RAPH1: variants seen among roughly 807,000 people sequenced by gnomAD.
RAPH1 encodes ras-associated and pleckstrin homology domains-containing protein 1.
Under a neutral mutation model 88.1 loss-of-function variants are expected in RAPH1, and 18 were observed. The ratio of observed to expected loss-of-function variants is 0.20; its 90% CI spans 0.14 to 0.30. The LOEUF (loss-of-function observed/expected upper bound fraction) is 0.30, where lower values mean the gene tolerates loss of function less well. Among genes scored for constraint, RAPH1 ranks in the 10% least tolerant of loss-of-function variants. RAPH1 has a pLI of 1.00. For synonymous variants in RAPH1, 587 were observed against 559.0 expected, an observed-to-expected ratio of 1.05 and a Z score of -0.71; for missense variants, 1,448 against 1,543.2, an observed-to-expected ratio of 0.94 and a Z score of 1.03.
In RAPH1 at chr2:203,489,623, T is replaced by C. The variant is rs140077162; in HGVS notation, c.693A>G (p.Gln231=). ...GCCCTTGATGTGTCAAATCCAGCTCTTGAGGGCGTGTTACTTTATCAATAT... is the reference window on the plus strand; with the variant it reads ...GCCCTTGATGTGTCAAATCCAGCTCCTGAGGGCGTGTTACTTTATCAATAT... ...SLDIDKVTRP[Q]ELDLTHQGQP... is the part of the protein sequence containing the mutation. Residue 231 remains glutamine (Q), a synonymous_variant, in exon 4 of 14, where the codon CAA becomes CAG. Coordinates refer to ENST00000319170, the MANE Select transcript of RAPH1 (RefSeq NM_213589.3). 15 of 1,609,200 alleles carry C rather than the reference T, an allele frequency of 9.3e-6. No homozygotes were observed. In the African/African-American group the frequency reaches 1.7e-4, roughly 19 times the overall value.
In RAPH1 at chr2:203,438,030, A is replaced by G; in HGVS notation, c.*1407T>C. The G allele has an allele frequency of 2.4e-6, 1 of 417,654 alleles. No homozygotes were observed. The highest frequency in any genetic ancestry group is 1.8e-5 in the South Asian group (1 of 56,524). The allele number at this position is 417,654 out of a possible 1,614,324, so 25.9% of individuals were successfully genotyped here. A position where few individuals can be genotyped will look rare whatever the true frequency, so the allele number is the denominator to read the frequency against. Reference sequence around the variant, plus strand: ...AAAATTCACAGAAAAAAGCATATAGAAGTATAGTGTGTCGTTAGAGCACTG... The same window carrying G: ...AAAATTCACAGAAAAAAGCATATAGGAGTATAGTGTGTCGTTAGAGCACTG... On this transcript the variant is annotated 3_prime_UTR_variant, in exon 14 of 14. Coordinates refer to ENST00000319170, the MANE Select transcript of RAPH1 (RefSeq NM_213589.3).
intron 4 of RAPH1, among the ~76,000 whole-genome samples, chr2:203,465,556 G>A (rs2098527799): frequency 6.6e-6 from 1 of 152,222 alleles, no homozygotes; most frequent in African/African-American, 2.4e-5. Context: ...AACAATGGTG[G>A]ATACATGTTA....
At chr2:203,523,002 C>G in intron 1 of RAPH1, among the ~76,000 whole-genome samples, 1 of 150,930 alleles carries the variant, frequency 6.6e-6, no homozygotes, top group South Asian at 2.1e-4. Flanking sequence ...ATAATCAAGA[C>G]AATGTAGTAC....
In RAPH1 at chr2:203,454,421, T is replaced by C. The variant is rs554283114; in HGVS notation, c.1413+9A>G. On this transcript the variant is annotated intron_variant, in intron 10 of 13. Coordinates refer to ENST00000319170, the MANE Select transcript of RAPH1 (RefSeq NM_213589.3). ...CAATTAAAATTCCTAAAAAGAAATA[T>C]GTGTTTACCTTCAGCACCAGACAAT... The C allele has an allele frequency of 5.1e-6, 8 of 1,572,106 alleles. No individual in the cohort carries two copies. The African/African-American group carries it at 8.1e-5, about 16-fold the overall frequency.
At chr2:203,499,751 C>CA (rs1185434176) in intron 1 of RAPH1, among the ~76,000 whole-genome samples, 2 of 151,778 alleles carry the variant, frequency 1.3e-5, no homozygotes, top group East Asian at 1.9e-4. Context: ...AGAGACTTTC[C>CA]AAAAAAAACT....
chr2:203,463,329 T>C (rs768155149), intron 4 of RAPH1, among the ~76,000 whole-genome samples: 11 of 152,172 alleles, frequency 7.2e-5, no homozygotes, highest in Admixed American at 2.0e-4. Context: ...CCACAATCCA[T>C]ATGTTATTCA....
chr2:203,513,689 G>A (rs1476557732), intron 1 of RAPH1, among the ~76,000 whole-genome samples: 1 of 150,548 alleles, frequency 6.6e-6, no homozygotes, highest in Non-Finnish European at 1.5e-5. Context: ...ACAAAAATTA[G>A]CCAGGTGTGG....
chr2:203,505,122 C>T (rs1688923577), intron 1 of RAPH1, among the ~76,000 whole-genome samples: 3 of 152,224 alleles, frequency 2.0e-5, no homozygotes, highest in African/African-American at 7.2e-5. Context: ...TCCAAAGACA[C>T]TTCTACGTTT....
intron 1 of RAPH1, among the ~76,000 whole-genome samples, chr2:203,527,913 C>T (rs1380349372): frequency 6.6e-6 from 1 of 151,258 alleles, no homozygotes; most frequent in East Asian, 1.9e-4. Flanking sequence ...GGTTTAAGTC[C>T]AAGGGCAAAG....
chr2:203,487,679 C>T lies in RAPH1; in HGVS notation c.732+1905G>A, dbSNP rs561993023. Among the ~76,000 whole-genome samples, 157 of 152,288 alleles carry T rather than the reference C, an allele frequency of 1.0e-3. 1 individual carries two copies. The highest frequency in any genetic ancestry group is 1.5e-3 in the Admixed American group (23 of 15,294). ...GGATTACAGGTGTGAGCCACCACGTCCGGCCTAGAAATCAGTTTTCAAGTT... is the reference window on the plus strand; with the variant it reads ...GGATTACAGGTGTGAGCCACCACGTTCGGCCTAGAAATCAGTTTTCAAGTT... On this transcript the variant is annotated intron_variant, in intron 4 of 13. Coordinates refer to ENST00000319170, the MANE Select transcript of RAPH1 (RefSeq NM_213589.3).
In RAPH1 at chr2:203,441,232, G is replaced by T; in HGVS notation, c.1958C>A (p.Ser653Tyr). The change falls in exon 14 of 14, where the codon TCT (serine) becomes TAT (tyrosine). Residue 653 changes from serine to tyrosine, a missense_variant. Ser to Tyr is a moderately radical substitution (Grantham distance 144, BLOSUM62 -2). This residue lies in a region of RAPH1 where 935 missense variants were observed against 890.1 expected (regional missense o/e 1.05). Coordinates refer to ENST00000319170, the MANE Select transcript of RAPH1 (RefSeq NM_213589.3). ...PPPPPPLPSQ[S>Y]APSAGSAAPM... ...GGCTGCTGAGCCTGCAGAAGGTGCAGACTGGCTGGGGAGTGGGGGAGGAGG... is the reference window on the plus strand; with the variant it reads ...GGCTGCTGAGCCTGCAGAAGGTGCATACTGGCTGGGGAGTGGGGGAGGAGG... 6.3e-7 allele frequency: 1 copy of T among 1,575,536 alleles called. No homozygotes were observed. Among genetic ancestry groups the T allele is most frequent in the Non-Finnish European group, 8.7e-7 (1 of 1,154,172 alleles).
rs776591143 is a variant in RAPH1, at chr2:203,440,860, G to C, written c.2330C>G (p.Ala777Gly). 4 of 1,508,346 alleles carry C rather than the reference G, an allele frequency of 2.7e-6. No homozygotes were observed. Among genetic ancestry groups the C allele is most frequent in the South Asian group, 2.5e-5 (2 of 80,356 alleles). The allele number at this position is 1,508,346 out of a possible 1,614,324, so 93.4% of individuals were successfully genotyped here. The change falls in exon 14 of 14, where the codon GCT (alanine) becomes GGT (glycine). Residue 777 changes from alanine to glycine, a missense_variant. Ala to Gly is a moderately conservative substitution (Grantham distance 60). Around this residue, in one of 2 missense-constraint regions of RAPH1, gnomAD observed 935 missense variants for 890.1 expected, o/e 1.05. Transcript: ENST00000319170. ...PPIPAPLPPQ[A>G]PPKPLVTIPA... ...GATGGTCACAAGGGGTTTTGGGGGA[G>C]CTTGGGGAGGGAGGGGTGCAGGGAT...
intron 1 of RAPH1, among the ~76,000 whole-genome samples, chr2:203,509,789 T>C (rs1689253497): frequency 1.3e-5 from 2 of 152,140 alleles, no homozygotes; most frequent in Admixed American, 6.5e-5. Context: ...AATAGTTTAA[T>C]ACCATCCCCT....
intron 1 of RAPH1, among the ~76,000 whole-genome samples, chr2:203,511,691 ATTTCC>A (rs1258848541): frequency 4.7e-4 from 71 of 151,948 alleles, no homozygotes; most frequent in Middle Eastern, 3.4e-3. Flanking sequence ...CCTTCTTTAC[ATTTCC>A]ATTTCCCATG....
chr2:203,476,817 T>G (rs1299797831), intron 4 of RAPH1, among the ~76,000 whole-genome samples: 3 of 152,208 alleles, frequency 2.0e-5, no homozygotes, highest in Admixed American at 1.3e-4. Flanking sequence ...AGTTTCAGAA[T>G]AAAGAAGGCA....
At chr2:203,460,756 T>C (rs549160883) in intron 6 of RAPH1, among the ~76,000 whole-genome samples, 1 of 152,274 alleles carries the variant, frequency 6.6e-6, no homozygotes, top group South Asian at 2.1e-4. Flanking sequence ...CAAAGAACTC[T>C]TAAAACACTT....
At chr2:203,468,192 T>C (rs1455879294) in intron 4 of RAPH1, among the ~76,000 whole-genome samples, 1 of 152,232 alleles carries the variant, frequency 6.6e-6, no homozygotes, top group Non-Finnish European at 1.5e-5. Flanking sequence ...ATTTGTTGAA[T>C]GGATAAATGA....
chr2:203,482,099 T>C lies in RAPH1; in HGVS notation c.732+7485A>G, dbSNP rs549662558. The stretch of plus-strand genomic sequence containing the variant: ...GCCAGTGATTATTGGGGGGGTTTAT[T>C]TGAAATATGTTTGTGTGAATTAGGC... On this transcript the variant is annotated intron_variant, in intron 4 of 13. Coordinates refer to ENST00000319170, the MANE Select transcript of RAPH1 (RefSeq NM_213589.3). Among the ~76,000 whole-genome samples, 4 of 152,286 alleles carry C rather than the reference T, an allele frequency of 2.6e-5. No individual in the cohort carries two copies. The East Asian group carries it at 7.7e-4, about 29-fold the overall frequency.
At chr2:203,499,412 G>C (rs2105870920) in intron 1 of RAPH1, among the ~76,000 whole-genome samples, 1 of 151,508 alleles carries the variant, frequency 6.6e-6, no homozygotes, top group East Asian at 1.9e-4. Flanking sequence ...ATGTGGATTA[G>C]TTTAACAGCA....
Sources: gnomAD v4.1 joint callset for allele counts (sites outside exome capture counted in the v4.1 genomes callset) on GRCh38, gnomAD v4.1.1 for gene constraint, gnomAD v4.1.1 regional missense constraint, MANE v1.5 for transcripts, NCBI Gene and HGNC (gene_info 2026-07-23, HGNC 2026-07-21) for gene names.